NRK: variants seen among roughly 807,000 people sequenced by gnomAD.
NRK encodes Nik related kinase.
NRK carries 67 observed loss-of-function variants against 125.2 expected under a neutral mutation model. The observed-to-expected ratio is 0.54, with a 90% CI of 0.44 to 0.66. The LOEUF (loss-of-function observed/expected upper bound fraction) is 0.66. Ranked by LOEUF, NRK falls within the 30% of genes least tolerant of loss-of-function variation. The pLI is 0.00. For missense variants in NRK, 1,224 were observed against 1,192.9 expected, an observed-to-expected ratio of 1.03 and a Z score of -0.38; for synonymous variants, 458 against 429.0, an observed-to-expected ratio of 1.07 and a Z score of -0.84.
At position 105,955,639 on chromosome X, in the gene NRK, G is replaced by A. The variant is rs1261640573; in HGVS notation, c.*39G>A. The A allele has an allele frequency of 6.0e-6, 4 of 671,255 alleles. No homozygotes were observed. The highest frequency in any genetic ancestry group is 9.4e-6 in the Non-Finnish European group (4 of 424,480). 55.3% of individuals were successfully genotyped at this position (671,255 alleles called of 1,213,427 possible). A position where few individuals can be genotyped will look rare whatever the true frequency, so the allele number is the denominator to read the frequency against. On this transcript the variant is annotated 3_prime_UTR_variant, in exon 29 of 29. Coordinates refer to ENST00000243300, the MANE Select transcript of NRK (RefSeq NM_198465.4). The stretch of plus-strand genomic sequence containing the variant: ...TTTATTACCACATTATAAACATCAT[G>A]TATAGGCAGTCTGCATCTTCAGATT...
intron 13 of NRK, among the ~76,000 whole-genome samples, chrX:105,910,734 C>CA (rs990343484): frequency 5.4e-5 from 6 of 110,862 alleles, no homozygotes; most frequent in African/African-American, 2.0e-4. Context: ...GTTGATTGGT[C>CA]AGGGTAAGGT....
intron 24 of NRK, among the ~76,000 whole-genome samples, chrX:105,944,530 C>G (rs1440965580): frequency 8.9e-6 from 1 of 111,759 alleles, no homozygotes; most frequent in Non-Finnish European, 1.9e-5. Context: ...GCCTCACTCC[C>G]AATTCCTGTA....
chrX:105,925,046 G>A lies in NRK; in HGVS notation c.3312+15G>A, dbSNP rs371243384. On this transcript the variant is annotated intron_variant, in intron 19 of 28. Transcript: ENST00000243300. ...ATCTACAGGAGGTAATGCACCATTT[G>A]AAAAGCAGATTGAACTCCTCTCATT... 3.9e-5 allele frequency: 44 copies of A among 1,123,601 alleles called. No individual in the cohort carries two copies. In the African/African-American group the frequency reaches 7.2e-4, roughly 18 times the overall value. The allele number at this position is 1,123,601 out of a possible 1,213,427, so 92.6% of individuals were successfully genotyped here.
At chrX:105,841,538 T>G (rs2039331855) in intron 2 of NRK, among the ~76,000 whole-genome samples, 1 of 111,333 alleles carries the variant, frequency 9.0e-6, no homozygotes, top group South Asian at 3.7e-4. Context: ...AGAGTCCCTT[T>G]ATGACTAGGG....
intron 4 of NRK, among the ~76,000 whole-genome samples, chrX:105,884,696 T>G (rs986870647): frequency 2.7e-5 from 3 of 112,582 alleles, no homozygotes; most frequent in African/African-American, 9.7e-5. Flanking sequence ...CCCTTAATTA[T>G]TTTCCATGTC....
At position 105,836,594 on chromosome X, in the gene NRK, A is replaced by G. The variant is rs2039269232; in HGVS notation, c.123+5475A>G. The stretch of plus-strand genomic sequence containing the variant: ...CTGGGAGTATGTAAATAAACACTTA[A>G]AAATGTTTATCCTCTTTACACCAAT... On this transcript the variant is annotated intron_variant, in intron 2 of 28. Transcript: ENST00000243300. 4.5e-5 allele frequency among the ~76,000 whole-genome samples: 5 copies of G among 112,188 alleles called. No individual in the cohort carries two copies. In the Admixed American group the frequency reaches 4.7e-4, roughly 11 times the overall value.
At chrX:105,837,602 C>A (rs984503335) in intron 2 of NRK, among the ~76,000 whole-genome samples, 6 of 111,208 alleles carry the variant, frequency 5.4e-5, no homozygotes, top group Non-Finnish European at 1.1e-4. Flanking sequence ...CTCACCCTCT[C>A]CCACCTCCTG....
At position 105,924,705 on chromosome X, in the gene NRK, G is replaced by A. The variant is rs746819331; in HGVS notation, c.2986G>A (p.Gly996Ser). The A allele has an allele frequency of 1.7e-6, 2 of 1,193,707 alleles. No individual in the cohort carries two copies. The highest frequency in any genetic ancestry group is 4.6e-5 in the Admixed American group (2 of 43,268). ...EAPSCPRASY[G>S]RDGSCKQDGY... ...GGAGCTTGTTGTCAGGGCAAGCTAT[G>A]GCAGAGATGGAAGCTGCAAGCAAGA... The change falls in exon 19 of 29, where the codon GGC becomes AGC. Residue 996 changes from glycine (G) to serine (S), a missense_variant. Transcript: ENST00000243300.
At chrX:105,855,216 G>T (rs1050021404) in intron 2 of NRK, among the ~76,000 whole-genome samples, 2 of 110,971 alleles carry the variant, frequency 1.8e-5, no homozygotes, top group Non-Finnish European at 3.8e-5. Context: ...AAGTCCAAAA[G>T]GATTTTTTAT....
At chrX:105,924,281 A>G (rs1299565566) in intron 18 of NRK, among the ~76,000 whole-genome samples, 1 of 111,125 alleles carries the variant, frequency 9.0e-6, no homozygotes, top group East Asian at 2.9e-4. Context: ...CACAAACTAG[A>G]TATACTGCAA....
chrX:105,888,431 A>G lies in NRK; in HGVS notation c.378+12A>G. On this transcript the variant is annotated intron_variant, in intron 5 of 28. Transcript: ENST00000243300. ...GGCACCAACTTTGGGTATGTTTTTA[A>G]TTACACTGTTCTTATTCTATAAGAA... 1 of 1,168,995 alleles carries G rather than the reference A, an allele frequency of 8.6e-7. No homozygotes were observed. The highest frequency in any genetic ancestry group is 1.2e-6 in the Non-Finnish European group (1 of 868,129).
intron 10 of NRK, among the ~76,000 whole-genome samples, chrX:105,905,770 G>T (rs1364984109): frequency 1.8e-5 from 2 of 111,954 alleles, no homozygotes; most frequent in Non-Finnish European, 3.8e-5. Flanking sequence ...GCTAAACTTG[G>T]GAATCCTTCT....
chrX:105,936,298 T>C (rs1031548422), intron 21 of NRK, among the ~76,000 whole-genome samples: 14 of 112,268 alleles, frequency 1.2e-4, no homozygotes, highest in Non-Finnish European at 2.6e-4. Context: ...TCTGCTAATT[T>C]AGTGTGTCAA....
intron 22 of NRK, among the ~76,000 whole-genome samples, chrX:105,938,333 A>G (rs2040692339): frequency 1.8e-5 from 2 of 111,923 alleles, no homozygotes; most frequent in South Asian, 3.8e-4. Flanking sequence ...AACATGCTTT[A>G]TATATAATTA....
rs188172203 is a variant in NRK, at chrX:105,849,842, C to A, written c.123+18723C>A. On this transcript the variant is annotated intron_variant, in intron 2 of 28. Transcript: ENST00000243300. ...GGCTTTGCAGGGTACATATTTATTA[C>A]CTCCTGACTGCTTTCACAGGCTGGC... Among the ~76,000 whole-genome samples the A allele has an allele frequency of 3.8e-3, 430 of 112,128 alleles. 1 individual carries two copies. The highest frequency in any genetic ancestry group is 0.013 in the African/African-American group (393 of 30,859).
intron 11 of NRK, chrX:105,907,762 A>G (rs1366955619): frequency 8.9e-6 from 1 of 112,350 alleles, no homozygotes; most frequent in Non-Finnish European, 1.9e-5. Context: ...TTCAGTAGTC[A>G]CAGTACAGCT....
At chrX:105,924,541 G>T (rs209079) in intron 18 of NRK, among the ~76,000 whole-genome samples, 154 bp from the exon 19 acceptor site, 37,270 of 110,710 alleles carry the variant, frequency 0.34, 6,002 homozygotes, top group African/African-American at 0.64. Context: ...GCATTTTTAT[G>T]TTCTTTATCA....
Position 105,898,620 on chromosome X carries a change from A to G in NRK, c.617A>G (p.Asn206Ser). ...FGVSAQVSRT[N>S]GRRNSFIGTP... ...GTGAGTGCCCAGGTGAGCAGAACTA[A>G]TGGAAGAAGGAATAGTTTCATTGGG... The change falls in exon 8 of 29, where the codon AAT becomes AGT. Residue 206 changes from asparagine (N) to serine (S), a missense_variant. By Grantham distance (46) the Asn-to-Ser change is conservative. Transcript: ENST00000243300. 2 of 1,201,131 alleles carry G rather than the reference A, an allele frequency of 1.7e-6. No individual in the cohort carries two copies. The highest frequency in any genetic ancestry group is 2.3e-6 in the Non-Finnish European group (2 of 888,347).
chrX:105,930,122 T>C (rs1406440255), intron 19 of NRK, among the ~76,000 whole-genome samples: 1 of 111,799 alleles, frequency 8.9e-6, no homozygotes, highest in Non-Finnish European at 1.9e-5. Context: ...CATATCTCTC[T>C]CCCAAGACTT....
Sources: allele counts gnomAD v4.1 joint callset (sites outside exome capture counted in the v4.1 genomes callset), GRCh38; gene constraint gnomAD v4.1.1; transcripts MANE v1.5; gene names NCBI Gene and HGNC (gene_info 2026-07-23, HGNC 2026-07-21).